Variants in ANKRD45 observed in about 807,000 individuals in gnomAD.
ANKRD45 encodes ankyrin repeat domain-containing protein 45.
ANKRD45 carries 21 observed loss-of-function variants against 28.1 expected under a neutral mutation model. That is an observed-to-expected ratio of 0.75 (90% CI 0.53 to 1.08). The LOEUF is 1.08. Among genes scored for constraint, ANKRD45 ranks in the 50% least tolerant of loss-of-function variants. ANKRD45 has a pLI of 0.00. For missense variants in ANKRD45, 261 were observed against 308.7 expected, an observed-to-expected ratio of 0.85 and a Z score of 1.16; for synonymous variants, 86 against 103.9, an observed-to-expected ratio of 0.83 and a Z score of 1.05.
intron 2 of ANKRD45, among the ~76,000 whole-genome samples, chr1:173,653,331 AT>A (rs1313922781): frequency 6.6e-6 from 1 of 152,122 alleles, no homozygotes; most frequent in Admixed American, 6.5e-5. Context: ...AAACATCTTT[AT>A]TTCTGCCTTC....
intron 3 of ANKRD45, among the ~76,000 whole-genome samples, chr1:173,643,569 T>C (rs1412146924): frequency 6.6e-6 from 1 of 152,150 alleles, no homozygotes; most frequent in Non-Finnish European, 1.5e-5. Flanking sequence ...AATTTTTAAG[T>C]ATAAATGTTT....
the ANKRD45 span, among the ~76,000 whole-genome samples, chr1:173,701,431 A>G: frequency 1.3e-5 from 2 of 152,230 alleles, no homozygotes; most frequent in African/African-American, 4.8e-5. Context: ...AATGTCCACC[A>G]ATGATAGACT....
the ANKRD45 span, among the ~76,000 whole-genome samples, chr1:173,689,419 T>C: frequency 6.6e-6 from 1 of 152,106 alleles, no homozygotes. Flanking sequence ...AGTTTTGTCT[T>C]TTTTTTTCTC....
At chr1:173,666,040 A>G (rs1168744356) in intron 1 of ANKRD45, among the ~76,000 whole-genome samples, 1 of 152,130 alleles carries the variant, frequency 6.6e-6, no homozygotes, top group African/African-American at 2.4e-5. Context: ...AAAAACCACA[A>G]ATAAAGTACG....
chr1:173,689,020 GT>G, the ANKRD45 span, among the ~76,000 whole-genome samples: 3 of 152,148 alleles, frequency 2.0e-5, no homozygotes, highest in Non-Finnish European at 4.4e-5. Flanking sequence ...ATAAGCTCAT[GT>G]TTAGGGCCCA....
chr1:173,659,876 A>G (rs890310121), intron 1 of ANKRD45, among the ~76,000 whole-genome samples: 1 of 152,216 alleles, frequency 6.6e-6, no homozygotes, highest in African/African-American at 2.4e-5. Flanking sequence ...TTCAGTCAGT[A>G]ACACATACTG....
intron 3 of ANKRD45, among the ~76,000 whole-genome samples, chr1:173,634,685 AT>A (rs1668342908): frequency 1.3e-5 from 2 of 151,972 alleles, no homozygotes; most frequent in South Asian, 4.1e-4. Flanking sequence ...AAAATCTAAA[AT>A]TTTTTAGATT....
At chr1:173,637,657 A>AC (rs1668511283) in intron 3 of ANKRD45, among the ~76,000 whole-genome samples, 1 of 152,242 alleles carries the variant, frequency 6.6e-6, no homozygotes, top group Admixed American at 6.5e-5. Context: ...GAAACCGGAC[A>AC]CAGCAGTAGG....
chr1:173,702,214 C>G, the ANKRD45 span, among the ~76,000 whole-genome samples: 4 of 152,198 alleles, frequency 2.6e-5, no homozygotes, highest in African/African-American at 9.6e-5. Flanking sequence ...TCTTGGGTGA[C>G]TAGGTAGCCT....
chr1:173,613,120 G>A (rs1165536350), intron 5 of ANKRD45, among the ~76,000 whole-genome samples: 2 of 151,066 alleles, frequency 1.3e-5, no homozygotes, highest in Non-Finnish European at 2.9e-5. Flanking sequence ...GCCTCTTCCC[G>A]GCCGCCATCC....
intron 5 of ANKRD45, among the ~76,000 whole-genome samples, chr1:173,617,342 G>A (rs142606737): frequency 4.6e-5 from 7 of 152,204 alleles, no homozygotes; most frequent in African/African-American, 4.8e-5. Context: ...GCCAGACAGC[G>A]CAACAGGCTG....
the ANKRD45 span, among the ~76,000 whole-genome samples, chr1:173,700,333 T>C: frequency 6.6e-6 from 1 of 152,168 alleles, no homozygotes; most frequent in African/African-American, 2.4e-5. Flanking sequence ...TTAAAGTTCA[T>C]ATGGAATCAA....
At chr1:173,626,113 G>A (rs890166258) in intron 4 of ANKRD45, among the ~76,000 whole-genome samples, 1 of 152,138 alleles carries the variant, frequency 6.6e-6, no homozygotes, top group Non-Finnish European at 1.5e-5. Context: ...AGATTTTGCA[G>A]AGTACTCTAC....
intron 2 of ANKRD45, among the ~76,000 whole-genome samples, chr1:173,653,145 GA>G (rs1184336519): frequency 6.6e-6 from 1 of 152,058 alleles, no homozygotes; most frequent in Non-Finnish European, 1.5e-5. Flanking sequence ...GCTAGCTTTT[GA>G]ATATGTTTGC....
At chr1:173,643,184 T>C (rs571457291) in intron 3 of ANKRD45, among the ~76,000 whole-genome samples, 1 of 150,612 alleles carries the variant, frequency 6.6e-6, no homozygotes, top group South Asian at 2.1e-4. Context: ...TTTTTTTTTT[T>C]TTTTTTTGAG....
intron 5 of ANKRD45, among the ~76,000 whole-genome samples, chr1:173,613,047 C>T (rs1415071481): frequency 4.6e-5 from 7 of 151,962 alleles, no homozygotes; most frequent in Non-Finnish European, 7.4e-5. Flanking sequence ...TCTGCCTGGC[C>T]GCCCATCATC....
chr1:173,661,053 T>C (rs1036770280), intron 1 of ANKRD45, among the ~76,000 whole-genome samples: 1 of 152,124 alleles, frequency 6.6e-6, no homozygotes, highest in Non-Finnish European at 1.5e-5. Flanking sequence ...AAAGATTATA[T>C]ATATATATCT....
Position 173,659,261 on chromosome 1 carries a change from T to A in ANKRD45, c.158A>T (p.Lys53Met), listed in dbSNP as rs769693364. 3 of 1,614,128 alleles carry A rather than the reference T, an allele frequency of 1.9e-6. No homozygotes were observed. Reference sequence around the variant, plus strand: ...AGGATTCTCAGGATCCTCAAATATCTTCTGCAAACCCTCTACATCCCCTGT... The same window carrying A: ...AGGATTCTCAGGATCCTCAAATATCATCTGCAAACCCTCTACATCCCCTGT... ...ALTGDVEGLQ[K>M]IFEDPENPHH... Residue 53 changes from lysine to methionine, a missense_variant, in exon 2 of 6, where the codon AAG becomes ATG. Coordinates refer to ENST00000333279, the MANE Select transcript of ANKRD45 (RefSeq NM_198493.3).
intron 3 of ANKRD45, among the ~76,000 whole-genome samples, chr1:173,635,123 A>G (rs1391373119): frequency 1.3e-5 from 2 of 152,110 alleles, no homozygotes; most frequent in African/African-American, 2.4e-5. Flanking sequence ...AAATATTAGT[A>G]AAGTGTTCAC....
Sources: allele counts gnomAD v4.1 joint callset (sites outside exome capture counted in the v4.1 genomes callset), GRCh38; gene constraint gnomAD v4.1.1; transcripts MANE v1.5; gene names NCBI Gene and HGNC (gene_info 2026-07-23, HGNC 2026-07-21).